Variants in FOXP2 observed in about 807,000 individuals in gnomAD.
FOXP2 encodes the protein forkhead box P2, also known as forkhead box protein P2.
Under a neutral mutation model 115.8 loss-of-function variants are expected in FOXP2, and 12 were observed. That is an observed-to-expected ratio of 0.10 (90% CI 0.07 to 0.17). The LOEUF (loss-of-function observed/expected upper bound fraction) is 0.17. Ranked by LOEUF, FOXP2 falls within the 10% of genes least tolerant of loss-of-function variation. The pLI is 1.00. For missense variants in FOXP2, 629 were observed against 843.5 expected (o/e 0.75, Z 3.15); for synonymous variants, 328 against 297.7 (o/e 1.10, Z -1.05).
intron 3 of FOXP2, among the ~76,000 whole-genome samples, chr7:114,612,155 AC>A (rs771722989): frequency 1.9e-4 from 29 of 152,076 alleles, no homozygotes; most frequent in Non-Finnish European, 3.5e-4. Flanking sequence ...GAAGAGAGAC[AC>A]TGGCCCCTTA....
At chr7:114,683,665 T>G (rs998656088) in intron 16 of FOXP2, among the ~76,000 whole-genome samples, 5 of 152,126 alleles carry the variant, frequency 3.3e-5, no homozygotes, top group Non-Finnish European at 5.9e-5. Flanking sequence ...GTAGACAGGA[T>G]GTGTGTGAAT....
intron 3 of FOXP2, among the ~76,000 whole-genome samples, chr7:114,552,392 A>C (rs528339805): frequency 6.6e-6 from 1 of 152,242 alleles, no homozygotes; most frequent in East Asian, 1.9e-4. Context: ...TTTTTCTGTC[A>C]ACTGGGAAGA....
chr7:114,658,623 C>T (rs929612316), intron 11 of FOXP2, among the ~76,000 whole-genome samples: 12 of 152,162 alleles, frequency 7.9e-5, no homozygotes, highest in Non-Finnish European at 1.0e-4. Flanking sequence ...AGGACATATA[C>T]GAAACACCGT....
chr7:114,682,294 A>G (rs879362007), intron 16 of FOXP2, among the ~76,000 whole-genome samples: 1 of 152,186 alleles, frequency 6.6e-6, no homozygotes, highest in African/African-American at 2.4e-5. Flanking sequence ...TGAGGTGCCT[A>G]AACTATTCAG....
chr7:114,288,159 T>C (rs1464555294), intron 2 of FOXP2: 1 of 444,968 alleles, frequency 2.2e-6, no homozygotes, highest in African/African-American at 2.0e-5. Flanking sequence ...TGCTTATTTT[T>C]ATTTTTCTAA....
At chr7:114,421,584 T>A (rs1238582186) in intron 1 of FOXP2, among the ~76,000 whole-genome samples, 2 of 151,662 alleles carry the variant, frequency 1.3e-5, no homozygotes, top group Admixed American at 1.3e-4. Flanking sequence ...AAATACTTAA[T>A]AAACAAGTTA....
At chr7:114,542,260 C>G (rs1799698670) in intron 3 of FOXP2, among the ~76,000 whole-genome samples, 1 of 152,080 alleles carries the variant, frequency 6.6e-6, no homozygotes. Context: ...AACACAGAAA[C>G]TTTAAATATC....
At chr7:114,458,832 T>TA (rs757627754) in intron 2 of FOXP2, among the ~76,000 whole-genome samples, 18 of 152,286 alleles carry the variant, frequency 1.2e-4, no homozygotes, top group Non-Finnish European at 2.4e-4. Flanking sequence ...TAATGCTTCC[T>TA]AAAAAACCAT....
rs189072339 is a variant in FOXP2, at chr7:114,444,193, G to A, written c.168+17514G>A. 2.4e-4 allele frequency among the ~76,000 whole-genome samples: 36 copies of A among 152,174 alleles called. No homozygotes were observed. The East Asian group carries it at 3.5e-3, about 15-fold the overall frequency. On this transcript the variant is annotated intron_variant, in intron 2 of 16. Coordinates refer to ENST00000350908, the MANE Select transcript of FOXP2 (RefSeq NM_014491.4). Reference sequence around the variant, plus strand: ...GATCACTGTATGTATAATAGATGCCGAATTATGTCAAATAAACATGAGAAG... The same window carrying A: ...GATCACTGTATGTATAATAGATGCCAAATTATGTCAAATAAACATGAGAAG...
intron 1 of FOXP2, among the ~76,000 whole-genome samples, chr7:114,090,915 C>A (rs992177424): frequency 1.3e-5 from 2 of 151,340 alleles, no homozygotes; most frequent in African/African-American, 4.8e-5. Flanking sequence ...CAAAGTGGGC[C>A]CTGTAACATA....
chr7:114,667,437 A>G (rs942155773), intron 16 of FOXP2: 3 of 152,076 alleles, frequency 2.0e-5, no homozygotes, highest in Non-Finnish European at 2.9e-5. Flanking sequence ...TGTCTCTAAA[A>G]ATAAAAAGTG....
At chr7:114,637,953 C>T (rs767167226) in intron 6 of FOXP2, among the ~76,000 whole-genome samples, 3 of 151,994 alleles carry the variant, frequency 2.0e-5, no homozygotes, top group Non-Finnish European at 4.4e-5. Context: ...ATGTGAAGCA[C>T]TTAGAAGAAT....
chr7:114,495,907 A>G (rs1307952452), intron 2 of FOXP2, among the ~76,000 whole-genome samples: 1 of 152,170 alleles, frequency 6.6e-6, no homozygotes, highest in Non-Finnish European at 1.5e-5. Context: ...ATAAATGTTT[A>G]TTTGTTAGCT....
intron 1 of FOXP2, among the ~76,000 whole-genome samples, chr7:114,263,672 C>G (rs1339943723): frequency 6.6e-6 from 1 of 151,448 alleles, no homozygotes; most frequent in Non-Finnish European, 1.5e-5. Flanking sequence ...CTTTGGCCTC[C>G]TATACCATCC....
chr7:114,493,508 A>C (rs1797165785), intron 2 of FOXP2, among the ~76,000 whole-genome samples: 1 of 152,142 alleles, frequency 6.6e-6, no homozygotes, highest in Non-Finnish European at 1.5e-5. Flanking sequence ...TGTACCTTTC[A>C]CTCAATAGTG....
rs145732646 is a variant in FOXP2 at position 114,328,217 on chromosome 7, C to T, written c.-11+40108C>T. On this transcript the variant is annotated intron_variant, in intron 2 of 17. Coordinates refer to the FOXP2 transcript ENST00000634411. ...TACAGGTGTGAGCCAGTGCTCTCAG[C>T]CCTTTCTTTTCTTTTCTTTTTTTTT... Among the ~76,000 whole-genome samples the T allele has an allele frequency of 3.0e-4, 45 of 150,740 alleles. No individual in the cohort carries two copies. The East Asian group carries it at 8.8e-3, about 29-fold the overall frequency.
intron 2 of FOXP2, among the ~76,000 whole-genome samples, chr7:114,462,855 G>A (rs894371542): frequency 3.5e-4 from 53 of 152,124 alleles, no homozygotes; most frequent in African/African-American, 1.3e-3. Flanking sequence ...AATGTCTTGG[G>A]AATTAAGATT....
At chr7:114,100,874 CTT>C (rs1448290664) in intron 1 of FOXP2, among the ~76,000 whole-genome samples, 1 of 152,120 alleles carries the variant, frequency 6.6e-6, no homozygotes, top group African/African-American at 2.4e-5. Context: ...CTCATAATCT[CTT>C]TATAAGAATG....
intron 2 of FOXP2, among the ~76,000 whole-genome samples, chr7:114,311,084 T>C (rs945225781): frequency 6.6e-6 from 1 of 152,134 alleles, no homozygotes; most frequent in African/African-American, 2.4e-5. Flanking sequence ...TCAGGTGTTT[T>C]CTATATATTA....
Sources: allele counts gnomAD v4.1 joint callset (sites outside exome capture counted in the v4.1 genomes callset), GRCh38; gene constraint gnomAD v4.1.1; transcripts MANE v1.5; gene names NCBI Gene and HGNC (gene_info 2026-07-23, HGNC 2026-07-21).